The following PKP3 variants were observed in gnomAD, a reference collection of about 807,000 sequenced individuals.
PKP3 encodes the protein plakophilin-3.
Under a neutral mutation model 76.5 loss-of-function variants are expected in PKP3, and 66 were observed. That is an observed-to-expected ratio of 0.86 (90% CI 0.71 to 1.06). The LOEUF (loss-of-function observed/expected upper bound fraction) is 1.06, where lower values mean the gene tolerates loss of function less well. PKP3 is among the 50% of genes least tolerant of loss of function. The pLI is 0.00. For synonymous variants in PKP3, 638 were observed against 516.5 expected (o/e 1.24, Z -3.19); for missense variants, 1,338 against 1,141.0 (o/e 1.17, Z -2.49).
rs763456547 is a variant in PKP3 at position 403,754 on chromosome 11, G to C, written c.2060G>C (p.Arg687Thr). ...GLIRNLSRNA[R>T]NKDEMSTKVV... ...ATCCGAAACCTGTCTCGGAACGCTA[G>C]GAACAAGGACGAGATGTGTGAGTCG... The change falls in exon 10 of 13, where the codon AGG becomes ACG. Residue 687 changes from arginine to threonine, a missense_variant. By Grantham distance (71) the Arg-to-Thr change is moderately conservative (BLOSUM62 -1). Transcript: ENST00000331563. 6.2e-7 allele frequency: 1 copy of C among 1,607,694 alleles called. No homozygotes were observed. Among genetic ancestry groups the C allele is most frequent in the Admixed American group, 1.7e-5 (1 of 60,018 alleles).
intron 5 of PKP3, 28 bp downstream of exon 5, chr11:399,224 C>A: frequency 6.9e-7 from 1 of 1,453,888 alleles, no homozygotes; most frequent in East Asian, 2.6e-5. Flanking sequence ...CTCCACCTGT[C>A]CTTCCTCCAC....
chr11:397,011 T>A lies in PKP3; in HGVS notation c.510T>A (p.Val170=). The A allele has an allele frequency of 6.3e-7, 1 of 1,599,808 alleles. No individual in the cohort carries two copies. The highest frequency in any genetic ancestry group is 8.5e-7 in the Non-Finnish European group (1 of 1,179,498). ...RPVSFHERGG[V]GSRADYDTLS... is the part of the protein sequence containing the mutation. ...TGTCCTTCCATGAGCGCGGTGGGGT[T>A]GGGAGCCGGGCCGACTATGACACAC... Residue 170 remains valine (V), a synonymous_variant, in exon 3 of 13, where the codon GTT becomes GTA. Transcript: ENST00000331563.
At chr11:395,740 G>T (rs547179349) in intron 1 of PKP3, among the ~76,000 whole-genome samples, 36 of 152,176 alleles carry the variant, frequency 2.4e-4, no homozygotes, top group Non-Finnish European at 4.7e-4. Flanking sequence ...TTGTGGGAGG[G>T]CCACGGCCCC....
upstream of PKP3, among the ~76,000 whole-genome samples, chr11:393,253 CA>C (rs1846999076): frequency 6.6e-6 from 1 of 151,836 alleles, no homozygotes; most frequent in South Asian, 2.1e-4. Context: ...CCACCCCCAC[CA>C]GGGGCCCCCC....
Position 397,936 on chromosome 11 carries a change from C to T in PKP3, c.1068+274C>T, listed in dbSNP as rs1245018893. Among the ~76,000 whole-genome samples, 5 of 139,290 alleles carry T rather than the reference C, an allele frequency of 3.6e-5. No individual in the cohort carries two copies. The East Asian group carries it at 8.6e-4, about 24-fold the overall frequency. 91.4% of individuals were successfully genotyped at this position (139,290 alleles called of 152,430 possible). ...CGTCACCTCCGTACCCCCACATATA[C>T]CTCATCACCTCCATACCCCCGCACA... On this transcript the variant is annotated intron_variant, in intron 4 of 12. Coordinates refer to ENST00000331563, the MANE Select transcript of PKP3 (RefSeq NM_007183.4).
At chr11:403,001 ACCCGACCCGCTCAC>A (rs375586630) in intron 8 of PKP3, 63 bp from the exon 9 acceptor site, 26,491 of 94,500 alleles carry the variant, frequency 0.28, 8,933 homozygotes, top group East Asian at 0.76. Context: ...CCCCACTCAC[ACCCGACCCGCTCAC>A]CCCGACCCGC....
chr11:399,355 C>CCCTCTGCCTTACCCCCCCA (rs1313340170), intron 5 of PKP3, among the ~76,000 whole-genome samples, 159 bp downstream of exon 5: 7 of 46,124 alleles, frequency 1.5e-4, no homozygotes, highest in Non-Finnish European at 2.7e-4. Flanking sequence ...CCTCCTCCCC[C>CCCTCTGCCTTACCCCCCCA]CCTCTGCCTT....
At position 396,686 on chromosome 11, in the gene PKP3, C is replaced by G; in HGVS notation, c.311C>G (p.Ser104Trp). 6.2e-7 allele frequency: 1 copy of G among 1,609,732 alleles called. No individual in the cohort carries two copies. The highest frequency in any genetic ancestry group is 1.1e-5 in the South Asian group (1 of 90,654). ...CAGGGCCTGAGTGGGGACAAGACCT[C>G]GGTGAGCGATGGGCCCAGCCCGAGG... ...RSQGLSGDKT[S>W]GFRPIAKPAY... The change falls in exon 2 of 13, where the codon TCG becomes TGG. Residue 104 changes from serine to tryptophan, a missense_variant and splice_region_variant. Ser to Trp is a radical substitution (Grantham distance 177). Coordinates refer to ENST00000331563, the MANE Select transcript of PKP3 (RefSeq NM_007183.4).
Position 394,499 on chromosome 11 carries a change from C to A in PKP3, c.207C>A (p.Pro69=), listed in dbSNP as rs534140988. 1.4e-6 allele frequency: 2 copies of A among 1,397,598 alleles called. No individual in the cohort carries two copies. The highest frequency in any genetic ancestry group is 1.8e-6 in the Non-Finnish European group (2 of 1,083,448). The allele number at this position is 1,397,598 out of a possible 1,614,324, so 86.6% of individuals were successfully genotyped here. A position where few individuals can be genotyped will look rare whatever the true frequency, so the allele number is the denominator to read the frequency against. ...CGCGGCACAACGGGGCCGCTGAGCC[C>A]GAGCCTGAGGCCGAGACTGCCAGAG... ...QQPRHNGAAE[P]EPEAETARGT... is the part of the protein sequence containing the mutation. The change falls in exon 1 of 13, where the codon CCC becomes CCA. Residue 69 remains proline, a synonymous_variant. Coordinates refer to ENST00000331563, the MANE Select transcript of PKP3 (RefSeq NM_007183.4).
rs1162106866 is a variant in PKP3, at chr11:404,812, G to A, written c.*243G>A. 1.8e-6 allele frequency: 1 copy of A among 561,308 alleles called. No homozygotes were observed. Among genetic ancestry groups the A allele is most frequent in the South Asian group, 2.1e-5 (1 of 48,554 alleles). The allele number at this position is 561,308 out of a possible 1,614,324, so 34.8% of individuals were successfully genotyped here. ...TCAAGGCTGCTCTGGTGTATGGGGT[G>A]GTGACCCAGTCACATTGGCAGAGGT... On this transcript the variant is annotated 3_prime_UTR_variant, in exon 13 of 13. Transcript: ENST00000331563. The surrounding 1 kb of genome is among the most constrained non-coding windows in gnomAD (Gnocchi z 4.2).
At chr11:403,822 T>C (rs769885699) in intron 10 of PKP3, 51 bp downstream of exon 10, 27 of 1,598,814 alleles carry the variant, frequency 1.7e-5, no homozygotes, top group Non-Finnish European at 1.7e-6. Flanking sequence ...CATGTCAATT[T>C]TGTCTTTAAG....
intron 4 of PKP3, 147 bp from the exon 5 acceptor site, chr11:398,845 C>A (rs896961729): frequency 3.2e-5 from 20 of 630,558 alleles, no homozygotes; most frequent in Non-Finnish European, 4.8e-5. Flanking sequence ...CGTCACCTCC[C>A]TACCGCCGCA....
rs1847182973 is a variant in PKP3 at position 403,052 on chromosome 11, C to T, written c.1738-26C>T. On this transcript the variant is annotated intron_variant, in intron 8 of 12. Transcript: ENST00000331563. ...CACCCCGACCCGCTCACCCCGACCC[C>T]GCCGACTCCTCCCCGCCCTGCGCAG... 10 of 1,400,390 alleles carry T rather than the reference C, an allele frequency of 7.1e-6. 2 individuals are homozygous for T. The highest frequency in any genetic ancestry group is 5.5e-5 in the Admixed American group (2 of 36,596). 86.7% of individuals were successfully genotyped at this position (1,400,390 alleles called of 1,614,324 possible).
rs1379100898 is a variant in PKP3, at chr11:399,006, G to C, written c.1083G>C (p.Gln361His). The C allele has an allele frequency of 1.9e-6, 3 of 1,587,192 alleles. No homozygotes were observed. The Admixed American group carries it at 5.1e-5, about 27-fold the overall frequency. ...TGTGCCCGCAGGCCCGCAGCCTTCA[G>C]GCCGTGCCTAGGCTGGTGAAGCTCT... ...AAAKKQARSL[Q>H]AVPRLVKLFN... Residue 361 changes from glutamine (Q) to histidine (H), a missense_variant, in exon 5 of 13, where the codon CAG becomes CAC. Transcript: ENST00000331563.
At chr11:398,544 G>C (rs373547905) in intron 4 of PKP3, among the ~76,000 whole-genome samples, 3 of 10,258 alleles carry the variant, frequency 2.9e-4, no homozygotes, top group Non-Finnish European at 3.5e-4. Context: ...GCACACACCT[G>C]CGTCACCTCC....
In PKP3 at chr11:400,506, G is replaced by C. The variant is rs1024280579; in HGVS notation, c.1567-29G>C. On this transcript the variant is annotated intron_variant, in intron 7 of 12. Coordinates refer to ENST00000331563, the MANE Select transcript of PKP3 (RefSeq NM_007183.4). ...TGCCCCCGGGCCGCCGCTCTGACCCGCGCCCCTGCCCCGCGCCCCCGCCCG... is the reference window on the plus strand; with the variant it reads ...TGCCCCCGGGCCGCCGCTCTGACCCCCGCCCCTGCCCCGCGCCCCCGCCCG... 121 of 1,499,282 alleles carry C rather than the reference G, an allele frequency of 8.1e-5. No homozygotes were observed. The African/African-American group carries it at 1.5e-3, about 19-fold the overall frequency. 92.9% of individuals were successfully genotyped at this position (1,499,282 alleles called of 1,614,324 possible). A position where few individuals can be genotyped will look rare whatever the true frequency, so the allele number is the denominator to read the frequency against.
chr11:399,001 C>A lies in PKP3; in HGVS notation c.1078C>A (p.Leu360Ile). 6.3e-7 allele frequency: 1 copy of A among 1,582,466 alleles called. No homozygotes were observed. Among genetic ancestry groups the A allele is most frequent in the African/African-American group, 1.3e-5 (1 of 74,446 alleles). ...DAAAKKQARS[L>I]QAVPRLVKLF... ...ATGCCTGTGCCCGCAGGCCCGCAGCCTTCAGGCCGTGCCTAGGCTGGTGAA... is the reference window on the plus strand; with the variant it reads ...ATGCCTGTGCCCGCAGGCCCGCAGCATTCAGGCCGTGCCTAGGCTGGTGAA... The change falls in exon 5 of 13, where the codon CTT becomes ATT. Residue 360 changes from leucine to isoleucine, a missense_variant. Physicochemically the swap from Leu to Ile is conservative, Grantham distance 5. Transcript: ENST00000331563.
chr11:400,454 G>T lies in PKP3; in HGVS notation c.1566+3G>T. 1 of 1,541,806 alleles carries T rather than the reference G, an allele frequency of 6.5e-7. No individual in the cohort carries two copies. Among genetic ancestry groups the T allele is most frequent in the Non-Finnish European group, 8.7e-7 (1 of 1,143,284 alleles). ...ACGCGGGCAAATGCGAGGACAAGGT[G>T]AGGGGCGCGGTGTGGAGGAGGGGCC... On this transcript the variant is annotated splice_donor_region_variant and intron_variant, in intron 7 of 12. Coordinates refer to ENST00000331563, the MANE Select transcript of PKP3 (RefSeq NM_007183.4).
chr11:395,565 G>A (rs1189439970), intron 1 of PKP3, among the ~76,000 whole-genome samples: 1 of 152,186 alleles, frequency 6.6e-6, no homozygotes, highest in Non-Finnish European at 1.5e-5. Context: ...TTATAATTGG[G>A]GGGTGGGGGT....
Sources: allele counts gnomAD v4.1 joint callset (sites outside exome capture counted in the v4.1 genomes callset), GRCh38; gene constraint gnomAD v4.1.1; non-coding constraint Gnocchi (gnomAD v3.1); transcripts MANE v1.5; gene names NCBI Gene and HGNC (gene_info 2026-07-23, HGNC 2026-07-21).